The following PDLIM5 variants were observed in gnomAD, a reference collection of about 807,000 sequenced individuals.
The protein encoded by PDLIM5 is PDZ and LIM domain 5, also known as PDZ and LIM domain protein 5.
PDLIM5 carries 34 observed loss-of-function variants against 64.2 expected under a neutral mutation model. The observed-to-expected ratio is 0.53, with a 90% CI of 0.40 to 0.71. PDLIM5 has a LOEUF of 0.71. Among genes scored for constraint, PDLIM5 ranks in the 30% least tolerant of loss-of-function variants. The pLI is 0.00. For synonymous variants in PDLIM5, 253 were observed against 269.1 expected, an observed-to-expected ratio of 0.94 and a Z score of 0.59; for missense variants, 683 against 733.6, an observed-to-expected ratio of 0.93 and a Z score of 0.80.
chr4:94,571,131 C>T (rs911248495), intron 3 of PDLIM5, among the ~76,000 whole-genome samples: 3 of 152,128 alleles, frequency 2.0e-5, no homozygotes, highest in Non-Finnish European at 4.4e-5. Flanking sequence ...GATTCATTTG[C>T]ATCTAATTCT....
intron 7 of PDLIM5, among the ~76,000 whole-genome samples, chr4:94,593,315 T>C (rs1227179468): frequency 1.3e-5 from 2 of 152,210 alleles, no homozygotes; most frequent in Admixed American, 6.5e-5. Flanking sequence ...GTTAGAAATA[T>C]ACTGTTTTCA....
At chr4:94,621,703 A>T (rs1739253752) in intron 8 of PDLIM5, among the ~76,000 whole-genome samples, 1 of 152,214 alleles carries the variant, frequency 6.6e-6, no homozygotes, top group Admixed American at 6.5e-5. Context: ...CAAGAGGGCG[A>T]TGGAGTGCTT....
intron 8 of PDLIM5, among the ~76,000 whole-genome samples, 156 bp downstream of exon 8, chr4:94,618,347 C>G (rs1159501353): frequency 6.6e-6 from 1 of 152,206 alleles, no homozygotes; most frequent in Admixed American, 6.5e-5. Flanking sequence ...CTATTTTTCT[C>G]TCTGAGACAT....
intron 11 of PDLIM5, among the ~76,000 whole-genome samples, chr4:94,658,121 T>C (rs1355359908): frequency 6.6e-6 from 1 of 152,232 alleles, no homozygotes; most frequent in East Asian, 1.9e-4. Flanking sequence ...TTTGTGGATA[T>C]AAATTCTACT....
At chr4:94,536,858 T>C (rs1706687922) in intron 3 of PDLIM5, among the ~76,000 whole-genome samples, 1 of 152,228 alleles carries the variant, frequency 6.6e-6, no homozygotes, top group South Asian at 2.1e-4. Flanking sequence ...GTTGCTATTA[T>C]AGTCTCAAAG....
rs10706955 is a variant in PDLIM5 at position 94,665,481 on chromosome 4, T to TAAAAAA, written c.*1434_*1439dup. On this transcript the variant is annotated 3_prime_UTR_variant, in exon 13 of 13. Transcript: ENST00000317968. ...GGTGACAGAGCAAGACTCCGGCTCT[T>TAAAAAA]AAAAAAAAAAAAAAAAAAAAAAAAA... The TAAAAAA allele has an allele frequency of 4.4e-6, 2 of 449,628 alleles. No individual in the cohort carries two copies. The highest frequency in any genetic ancestry group is 3.7e-5 in the African/African-American group (1 of 27,168). The allele number at this position is 449,628 out of a possible 1,614,324, so 27.9% of individuals were successfully genotyped here.
At chr4:94,484,933 A>G (rs565882800) in intron 2 of PDLIM5, among the ~76,000 whole-genome samples, 9 of 152,268 alleles carry the variant, frequency 5.9e-5, no homozygotes, top group South Asian at 2.1e-4. Flanking sequence ...GGGAGCGTCT[A>G]TGTTGGAGTA....
chr4:94,551,783 A>C (rs1005652827), intron 3 of PDLIM5, among the ~76,000 whole-genome samples: 6 of 152,130 alleles, frequency 3.9e-5, no homozygotes, highest in Non-Finnish European at 8.8e-5. Flanking sequence ...ATGACCCATA[A>C]AGGAAAAAAG....
At chr4:94,543,281 CA>C (rs1170108888) in intron 3 of PDLIM5, among the ~76,000 whole-genome samples, 1 of 151,702 alleles carries the variant, frequency 6.6e-6, no homozygotes, top group Non-Finnish European at 1.5e-5. Flanking sequence ...TGACTGTTGT[CA>C]GTTTTTTTTT....
chr4:94,566,308 C>T (rs1034366426), intron 3 of PDLIM5, among the ~76,000 whole-genome samples: 1 of 152,140 alleles, frequency 6.6e-6, no homozygotes, highest in Non-Finnish European at 1.5e-5. Context: ...TATGATGGGT[C>T]AAGTGAAATT....
intron 2 of PDLIM5, among the ~76,000 whole-genome samples, chr4:94,518,017 A>G (rs950220881): frequency 6.6e-6 from 1 of 152,148 alleles, no homozygotes; most frequent in Non-Finnish European, 1.5e-5. Context: ...AATAGAGGTT[A>G]TTGTGTACAT....
chr4:94,652,838 G>T (rs1321520940), intron 9 of PDLIM5, among the ~76,000 whole-genome samples: 2 of 152,046 alleles, frequency 1.3e-5, no homozygotes, highest in African/African-American at 2.4e-5. Flanking sequence ...AAAAAGTAGG[G>T]CTAGAAAATA....
At chr4:94,655,085 T>G (rs1742109569) in intron 10 of PDLIM5, among the ~76,000 whole-genome samples, 2 of 152,260 alleles carry the variant, frequency 1.3e-5, no homozygotes, top group African/African-American at 2.4e-5. Context: ...ACTGATTTCA[T>G]GAAATATATA....
At chr4:94,621,070 C>CAAAA (rs10526750) in intron 8 of PDLIM5, among the ~76,000 whole-genome samples, 2 of 81,608 alleles carry the variant, frequency 2.5e-5, no homozygotes, top group Non-Finnish European at 4.6e-5. Context: ...GACTCTGTCT[C>CAAAA]AAAAAAAAAA....
At position 94,665,505 on chromosome 4, in the gene PDLIM5, A is replaced by AG. The variant is rs1165095752; in HGVS notation, c.*1438_*1439insG. On this transcript the variant is annotated 3_prime_UTR_variant, in exon 13 of 13. Transcript: ENST00000317968. The stretch of plus-strand genomic sequence containing the variant: ...TTAAAAAAAAAAAAAAAAAAAAAAA[A>AG]AGAGAGAGAGAGAATAAATAGAAAA... 43 of 662,974 alleles carry AG rather than the reference A, an allele frequency of 6.5e-5. No homozygotes were observed. Among genetic ancestry groups the AG allele is most frequent in the Non-Finnish European group, 7.5e-5 (41 of 544,414 alleles). The allele number at this position is 662,974 out of a possible 1,614,324, so 41.1% of individuals were successfully genotyped here.
intron 2 of PDLIM5, among the ~76,000 whole-genome samples, chr4:94,506,289 C>T (rs1728391362): frequency 6.6e-6 from 1 of 152,160 alleles, no homozygotes; most frequent in Non-Finnish European, 1.5e-5. Context: ...GTGATTGTTT[C>T]TCTGATACTG....
intron 7 of PDLIM5, among the ~76,000 whole-genome samples, chr4:94,607,423 A>G (rs1429181925): frequency 6.6e-6 from 1 of 152,146 alleles, no homozygotes; most frequent in Non-Finnish European, 1.5e-5. Context: ...GGCATTCTAT[A>G]TAAAAAATAA....
At chr4:94,500,845 G>A (rs1165974649) in intron 2 of PDLIM5, among the ~76,000 whole-genome samples, 7 of 151,744 alleles carry the variant, frequency 4.6e-5, no homozygotes, top group Admixed American at 1.3e-4. Flanking sequence ...GTGCAGTGAC[G>A]TGATCTTGGC....
chr4:94,662,425 A>G lies in PDLIM5; in HGVS notation c.1589A>G (p.Tyr530Cys). 1 of 1,439,656 alleles carries G rather than the reference A, an allele frequency of 6.9e-7. No homozygotes were observed. The highest frequency in any genetic ancestry group is 1.1e-5 in the South Asian group (1 of 87,494). 89.2% of individuals were successfully genotyped at this position (1,439,656 alleles called of 1,614,324 possible). The change falls in exon 12 of 13, where the codon TAT (tyrosine) becomes TGT (cysteine). Residue 530 changes from tyrosine (Y) to cysteine (C), a missense_variant. Physicochemically the swap from Tyr to Cys is radical, Grantham distance 194. Transcript: ENST00000317968. Reference sequence around the variant, plus strand: ...TCTCTGCCCTCCCTTAATACAGATTATTATGCCCTCTTTGGTACTATATGC... The same window carrying G: ...TCTCTGCCCTCCCTTAATACAGATTGTTATGCCCTCTTTGGTACTATATGC... ...EDGEPYCETD[Y>C]YALFGTICHG...
Sources: allele counts gnomAD v4.1 joint callset (sites outside exome capture counted in the v4.1 genomes callset), GRCh38; gene constraint gnomAD v4.1.1; transcripts MANE v1.5; gene names NCBI Gene and HGNC (gene_info 2026-07-23, HGNC 2026-07-21).